Variants in ARHGEF26 observed in about 807,000 individuals in gnomAD.
The protein encoded by ARHGEF26 is Rho guanine nucleotide exchange factor (GEF) 26.
ARHGEF26 carries 59 observed loss-of-function variants against 89.4 expected under a neutral mutation model. The ratio of observed to expected loss-of-function variants is 0.66; its 90% confidence interval spans 0.54 to 0.82. The LOEUF (loss-of-function observed/expected upper bound fraction) is 0.82. ARHGEF26 is among the 40% of genes least tolerant of loss of function. ARHGEF26 has a pLI of 0.00. For missense variants in ARHGEF26, 1,234 were observed against 1,085.6 expected, an observed-to-expected ratio of 1.14 and a Z score of -1.92; for synonymous variants, 500 against 428.4, an observed-to-expected ratio of 1.17 and a Z score of -2.06.
At chr3:154,240,227 C>G (rs751615769) in intron 11 of ARHGEF26, 143 bp from the exon 12 acceptor site, 1 of 613,554 alleles carries the variant, frequency 1.6e-6, no homozygotes, top group Non-Finnish European at 2.9e-6. Flanking sequence ...ATTCAAATTC[C>G]AATTCATAGT....
intron 6 of ARHGEF26, among the ~76,000 whole-genome samples, chr3:154,161,909 T>G (rs1711687233): frequency 6.6e-6 from 1 of 152,176 alleles, no homozygotes; most frequent in Non-Finnish European, 1.5e-5. Context: ...TAGACCATTC[T>G]CCTGGTCACT....
intron 4 of ARHGEF26, among the ~76,000 whole-genome samples, chr3:154,143,603 A>G (rs1719517344): frequency 6.6e-6 from 1 of 152,194 alleles, no homozygotes; most frequent in Non-Finnish European, 1.5e-5. Flanking sequence ...CTGAAGTAAA[A>G]GAAATACATT....
At chr3:154,234,013 T>A (rs565724275) in intron 11 of ARHGEF26, among the ~76,000 whole-genome samples, 1 of 152,354 alleles carries the variant, frequency 6.6e-6, no homozygotes, top group East Asian at 1.9e-4. Flanking sequence ...CATATGAATA[T>A]CAATGATGTG....
intron 10 of ARHGEF26, among the ~76,000 whole-genome samples, chr3:154,221,819 C>T (rs1716148266): frequency 6.6e-6 from 1 of 152,110 alleles, no homozygotes; most frequent in South Asian, 2.1e-4. Context: ...AGGGAGTGGG[C>T]CTTGTCGGGT....
At chr3:154,205,836 T>C (rs1714985784) in intron 9 of ARHGEF26, among the ~76,000 whole-genome samples, 1 of 152,212 alleles carries the variant, frequency 6.6e-6, no homozygotes, top group South Asian at 2.1e-4. Context: ...CTTATTGTAC[T>C]GACTATGCCT....
intron 10 of ARHGEF26, among the ~76,000 whole-genome samples, chr3:154,224,365 G>A (rs1251657326): frequency 6.6e-6 from 1 of 152,092 alleles, no homozygotes; most frequent in Non-Finnish European, 1.5e-5. Context: ...TGCCCCTAGT[G>A]GAGTATGAGG....
chr3:154,141,998 C>T (rs967111555), intron 4 of ARHGEF26, among the ~76,000 whole-genome samples: 1 of 152,008 alleles, frequency 6.6e-6, no homozygotes, highest in Non-Finnish European at 1.5e-5. Flanking sequence ...AGCTTAGAAC[C>T]TAGAGCAGAA....
chr3:154,252,587 A>G (rs1460884343), intron 12 of ARHGEF26, among the ~76,000 whole-genome samples: 1 of 152,192 alleles, frequency 6.6e-6, no homozygotes, highest in Non-Finnish European at 1.5e-5. Flanking sequence ...GGAACAGTGT[A>G]AAAGTGGCCA....
rs1713686162 is a variant in ARHGEF26, at chr3:154,187,855, C to T, written c.1640+18C>T. ...AAATTGTTGTAAGCAATGTCGAATG[C>T]TACAGTTTTAATCATCTAACCTAGT... On this transcript the variant is annotated intron_variant, in intron 7 of 14. Coordinates refer to ENST00000465093, the MANE Select transcript of ARHGEF26 (RefSeq NM_015595.4). 1 of 1,597,882 alleles carries T rather than the reference C, an allele frequency of 6.3e-7. No individual in the cohort carries two copies. Among genetic ancestry groups the T allele is most frequent in the Non-Finnish European group, 8.5e-7 (1 of 1,170,804 alleles).
intron 6 of ARHGEF26, among the ~76,000 whole-genome samples, chr3:154,163,691 TTCTGTGGCACAGC>T (rs1711806027): frequency 6.6e-6 from 1 of 152,154 alleles, no homozygotes; most frequent in African/African-American, 2.4e-5. Context: ...GCATCTTGTT[TTCTGTGGCACAGC>T]TCTGTGGCAC....
intron 4 of ARHGEF26, among the ~76,000 whole-genome samples, chr3:154,144,077 C>T (rs1322305125): frequency 6.6e-6 from 1 of 152,180 alleles, no homozygotes; most frequent in Non-Finnish European, 1.5e-5. Context: ...GACAGCTTAG[C>T]TTTCACTGCA....
intron 7 of ARHGEF26, among the ~76,000 whole-genome samples, chr3:154,188,104 G>T (rs549368213): frequency 6.6e-6 from 1 of 152,148 alleles, no homozygotes; most frequent in Admixed American, 6.6e-5. Flanking sequence ...ATTGTTGCAG[G>T]AAACAGAGGT....
At chr3:154,127,770 T>C (rs1440893565) in intron 3 of ARHGEF26, among the ~76,000 whole-genome samples, 1 of 147,758 alleles carries the variant, frequency 6.8e-6, no homozygotes, top group Non-Finnish European at 1.5e-5. Flanking sequence ...ACAATCGGTT[T>C]GTTTACACCA....
intron 6 of ARHGEF26, among the ~76,000 whole-genome samples, chr3:154,169,790 A>G (rs1451822928): frequency 6.6e-6 from 1 of 152,172 alleles, no homozygotes; most frequent in Non-Finnish European, 1.5e-5. Context: ...GTGTTTTTAA[A>G]CTGAAACACT....
At chr3:154,209,056 T>C (rs1463426027) in intron 9 of ARHGEF26, among the ~76,000 whole-genome samples, 7 of 152,114 alleles carry the variant, frequency 4.6e-5, no homozygotes. Context: ...CGTGAGCCAC[T>C]GTGCCTGGCC....
intron 4 of ARHGEF26, among the ~76,000 whole-genome samples, chr3:154,130,147 A>ATTTTTTTTTTTTTTTTT (rs55816788): frequency 4.7e-5 from 5 of 105,950 alleles, no homozygotes; most frequent in Admixed American, 1.3e-4. Flanking sequence ...TTCCTTGGAA[A>ATTTTTTTTTTTTTTTTT]TTTTTTTTTT....
At chr3:154,192,018 A>G (rs1713986063) in intron 8 of ARHGEF26, among the ~76,000 whole-genome samples, 1 of 152,184 alleles carries the variant, frequency 6.6e-6, no homozygotes, top group Non-Finnish European at 1.5e-5. Context: ...AAGTGAGTAG[A>G]GTCTGCCTAG....
intron 12 of ARHGEF26, among the ~76,000 whole-genome samples, chr3:154,245,066 C>T (rs1186204612): frequency 1.3e-5 from 2 of 152,198 alleles, no homozygotes; most frequent in Non-Finnish European, 2.9e-5. Flanking sequence ...TTCACTCTGT[C>T]GCCGGGGCTG....
In ARHGEF26 at chr3:154,124,465, T is replaced by G. The variant is rs1718204154; in HGVS notation, c.1123+16T>G. 6.5e-7 allele frequency: 1 copy of G among 1,538,350 alleles called. No homozygotes were observed. The highest frequency in any genetic ancestry group is 8.7e-7 in the Non-Finnish European group (1 of 1,149,416). On this transcript the variant is annotated intron_variant, in intron 3 of 14. Transcript: ENST00000465093. The stretch of plus-strand genomic sequence containing the variant: ...GATGGGGAAGGTAAGCATTTAATTT[T>G]CCAAACTTTCATTGCTGTTTCAATG...
Sources: gnomAD v4.1 joint callset for allele counts (sites outside exome capture counted in the v4.1 genomes callset) on GRCh38, gnomAD v4.1.1 for gene constraint, MANE v1.5 for transcripts, NCBI Gene and HGNC (gene_info 2026-07-23, HGNC 2026-07-21) for gene names.